PKNOX2: variants seen among roughly 807,000 people sequenced by gnomAD.
The protein encoded by PKNOX2 is homeobox protein PKNOX2.
PKNOX2 carries 14 observed loss-of-function variants against 53.1 expected under a neutral mutation model. The observed-to-expected ratio is 0.26, with a 90% CI of 0.17 to 0.41. PKNOX2 has a LOEUF of 0.41. Among genes scored for constraint, PKNOX2 ranks in the 10% least tolerant of loss-of-function variants. The pLI, the probability that PKNOX2 is intolerant of heterozygous loss-of-function variation, is 1.00. For synonymous variants in PKNOX2, 257 were observed against 242.8 expected (o/e 1.06, Z -0.54); for missense variants, 496 against 602.8 (o/e 0.82, Z 1.85).
intron 1 of PKNOX2, among the ~76,000 whole-genome samples, chr11:125,174,171 A>C (rs12293190): frequency 0.13 from 19,669 of 152,126 alleles, 1,802 homozygotes; most frequent in African/African-American, 0.26. Flanking sequence ...CAGGGCAGGG[A>C]GACAGACGCC....
At chr11:125,295,936 C>T (rs756900662) in intron 2 of PKNOX2, among the ~76,000 whole-genome samples, 3 of 152,200 alleles carry the variant, frequency 2.0e-5, no homozygotes, top group Non-Finnish European at 4.4e-5. Flanking sequence ...CCCCACAGCA[C>T]GTGGAAGGCA....
At chr11:125,218,430 C>T (rs905566426) in intron 1 of PKNOX2, among the ~76,000 whole-genome samples, 1 of 151,746 alleles carries the variant, frequency 6.6e-6, no homozygotes, top group South Asian at 2.1e-4. Context: ...GGAACTTGTT[C>T]CAAAATTTGC....
At position 125,308,291 on chromosome 11, in the gene PKNOX2, T is replaced by A. The variant is rs148078755; in HGVS notation, c.-129-23528T>A. ...GGCTGGGCCTGGCCAGCCTCAGCAT[T>A]GCCCAGCCAGCTGCCTCGGAGCTCA... On this transcript the variant is annotated intron_variant, in intron 2 of 12. Transcript: ENST00000298282. 1.7e-3 allele frequency among the ~76,000 whole-genome samples: 257 copies of A among 152,312 alleles called. 1 individual carries two copies. The highest frequency in any genetic ancestry group is 5.9e-3 in the African/African-American group (247 of 41,552).
chr11:125,222,048 A>G (rs1941201531), intron 1 of PKNOX2, among the ~76,000 whole-genome samples: 1 of 152,344 alleles, frequency 6.6e-6, no homozygotes, highest in African/African-American at 2.4e-5. Flanking sequence ...TCAAAGCTGC[A>G]GTGAAAATAA....
chr11:125,390,350 G>A (rs563850356), intron 6 of PKNOX2, among the ~76,000 whole-genome samples: 8 of 152,234 alleles, frequency 5.3e-5, no homozygotes, highest in African/African-American at 1.2e-4. Flanking sequence ...CAAGACTCGC[G>A]CTCCAGTGAC....
In PKNOX2 at chr11:125,420,507, C is replaced by T. The variant is rs546526454; in HGVS notation, c.937-8505C>T. Among the ~76,000 whole-genome samples, 108 of 147,126 alleles carry T rather than the reference C, an allele frequency of 7.3e-4. 1 individual carries two copies. Among genetic ancestry groups the T allele is most frequent in the African/African-American group, 2.6e-3 (105 of 39,966 alleles). On this transcript the variant is annotated intron_variant, in intron 10 of 12. Transcript: ENST00000298282. Reference sequence around the variant, plus strand: ...CGCCACTGCACTCCAGCCTGGGTGACAGAGCAAGACTCCATCTCAAAAAAA... The same window carrying T: ...CGCCACTGCACTCCAGCCTGGGTGATAGAGCAAGACTCCATCTCAAAAAAA...
chr11:125,172,813 T>C (rs1955426706), intron 1 of PKNOX2, among the ~76,000 whole-genome samples: 1 of 152,002 alleles, frequency 6.6e-6, no homozygotes, highest in Non-Finnish European at 1.5e-5. Flanking sequence ...TTGGCCCCTG[T>C]GGTATAGAGT....
chr11:125,381,000 G>A (rs1229344997), intron 5 of PKNOX2, among the ~76,000 whole-genome samples: 1 of 152,170 alleles, frequency 6.6e-6, no homozygotes, highest in Non-Finnish European at 1.5e-5. Flanking sequence ...GGAACAGCTT[G>A]CGAGAAGCCC....
At chr11:125,218,931 C>T (rs1249130672) in intron 1 of PKNOX2, among the ~76,000 whole-genome samples, 7 of 152,148 alleles carry the variant, frequency 4.6e-5, no homozygotes, top group Admixed American at 2.6e-4. Flanking sequence ...TCCTCTGGAT[C>T]TTAGCTCTGT....
intron 2 of PKNOX2, among the ~76,000 whole-genome samples, chr11:125,315,482 T>G (rs1191287156): frequency 6.6e-6 from 1 of 152,178 alleles, no homozygotes; most frequent in Non-Finnish European, 1.5e-5. Context: ...CAGAGAGGCC[T>G]TCTCACAGGG....
At chr11:125,316,467 G>A (rs137856030) in intron 2 of PKNOX2, among the ~76,000 whole-genome samples, 2,310 of 152,186 alleles carry the variant, frequency 0.015, 91 homozygotes, top group Admixed American at 0.08. Flanking sequence ...TCTTTGACTC[G>A]GTTCCTGAGG....
intron 2 of PKNOX2, among the ~76,000 whole-genome samples, chr11:125,257,655 T>C (rs886651697): frequency 6.6e-6 from 1 of 152,212 alleles, no homozygotes; most frequent in Non-Finnish European, 1.5e-5. Context: ...CAGGTAAGGA[T>C]GAAAAGGGAT....
At chr11:125,175,243 GGAAGGAAA>G (rs200775785) in intron 1 of PKNOX2, among the ~76,000 whole-genome samples, 7,927 of 102,870 alleles carry the variant, frequency 0.077, 259 homozygotes, top group African/African-American at 0.11. Flanking sequence ...AAGGAAGGAA[GGAAGGAAA>G]GAAGGAAGGA....
Position 125,220,567 on chromosome 11 carries a change from A to G in PKNOX2, c.-200-14478A>G, listed in dbSNP as rs184100912. ...CCATTGTGAGATGGGAAGGCCGGAGAGAAGCATGTTGGGGGAAAAGGAAAC... is the reference window on the plus strand; with the variant it reads ...CCATTGTGAGATGGGAAGGCCGGAGGGAAGCATGTTGGGGGAAAAGGAAAC... On this transcript the variant is annotated intron_variant, in intron 1 of 12. Coordinates refer to ENST00000298282, the MANE Select transcript of PKNOX2 (RefSeq NM_001382323.2). Among the ~76,000 whole-genome samples, 3 of 152,264 alleles carry G rather than the reference A, an allele frequency of 2.0e-5. No individual in the cohort carries two copies. The East Asian group carries it at 5.8e-4, about 29-fold the overall frequency.
chr11:125,230,965 A>G (rs144813860), intron 1 of PKNOX2, among the ~76,000 whole-genome samples: 96 of 152,326 alleles, frequency 6.3e-4, no homozygotes, highest in Non-Finnish European at 1.1e-3. Flanking sequence ...ACACCATGCT[A>G]GCAAGAGACT....
chr11:125,168,037 G>T (rs968581033), intron 1 of PKNOX2, among the ~76,000 whole-genome samples: 1 of 152,202 alleles, frequency 6.6e-6, no homozygotes, highest in African/African-American at 2.4e-5. Context: ...CATTGCTTTA[G>T]GTAGGCCTGA....
chr11:125,229,610 A>G (rs1011024792), intron 1 of PKNOX2, among the ~76,000 whole-genome samples: 4 of 152,218 alleles, frequency 2.6e-5, no homozygotes, highest in African/African-American at 4.8e-5. Context: ...GAAGATTCCC[A>G]GGGCAGGGTT....
chr11:125,210,474 A>G (rs1475680192), intron 1 of PKNOX2, among the ~76,000 whole-genome samples: 1 of 152,108 alleles, frequency 6.6e-6, no homozygotes, highest in Non-Finnish European at 1.5e-5. Flanking sequence ...ATGCAGGTGC[A>G]GTGTTGGATG....
intron 3 of PKNOX2, among the ~76,000 whole-genome samples, chr11:125,349,979 C>T (rs972164688): frequency 2.2e-4 from 33 of 152,038 alleles, no homozygotes; most frequent in African/African-American, 7.2e-4. Flanking sequence ...TGGGAAGGGC[C>T]AGGCTGGAAG....
Sources: allele counts gnomAD v4.1 joint callset (sites outside exome capture counted in the v4.1 genomes callset), GRCh38; gene constraint gnomAD v4.1.1; transcripts MANE v1.5; gene names NCBI Gene and HGNC (gene_info 2026-07-23, HGNC 2026-07-21).